The following ZNF277 variants were observed in gnomAD, a reference collection of about 807,000 sequenced individuals.
ZNF277 encodes nuclear receptor-interacting factor 4.
A neutral mutation model predicts 60.7 loss-of-function variants in ZNF277; 55 were observed. That is an observed-to-expected ratio of 0.91 (90% CI 0.73 to 1.13). The LOEUF (loss-of-function observed/expected upper bound fraction) is 1.13, where lower values mean the gene tolerates loss of function less well. ZNF277 is among the 50% of genes most tolerant of loss of function. ZNF277 has a pLI of 0.00. For synonymous variants in ZNF277, 178 were observed against 179.3 expected, an observed-to-expected ratio of 0.99 and a Z score of 0.06; for missense variants, 510 against 523.0, an observed-to-expected ratio of 0.98 and a Z score of 0.24.
At chr7:112,221,112 G>T (rs146730758) in intron 1 of ZNF277, among the ~76,000 whole-genome samples, 1,980 of 152,252 alleles carry the variant, frequency 0.013, 46 homozygotes, top group African/African-American at 0.045. Flanking sequence ...GTGTCTGCTG[G>T]GCTCCTGATC....
At chr7:112,299,148 C>T (rs924189707) in intron 4 of ZNF277, among the ~76,000 whole-genome samples, 4 of 152,142 alleles carry the variant, frequency 2.6e-5, no homozygotes, top group African/African-American at 7.2e-5. Flanking sequence ...TCAGCCAGTT[C>T]ATCACAATTT....
At chr7:112,286,505 T>C (rs892873034) in intron 1 of ZNF277, among the ~76,000 whole-genome samples, 2 of 152,306 alleles carry the variant, frequency 1.3e-5, no homozygotes, top group South Asian at 2.1e-4. Context: ...TAGGTCACAA[T>C]TGAGCCTTAG....
intron 1 of ZNF277, among the ~76,000 whole-genome samples, chr7:112,237,472 T>C (rs376492130): frequency 3.2e-4 from 48 of 152,048 alleles, no homozygotes; most frequent in African/African-American, 1.1e-3. Context: ...CTCAATAGGC[T>C]AACCAAGAAG....
intron 1 of ZNF277, among the ~76,000 whole-genome samples, chr7:112,224,058 G>T (rs1014413715): frequency 1.3e-5 from 2 of 152,190 alleles, no homozygotes; most frequent in African/African-American, 2.4e-5. Flanking sequence ...GGCAGAGTAT[G>T]CCATAGAGAT....
intron 1 of ZNF277, among the ~76,000 whole-genome samples, chr7:112,257,656 G>A (rs1587123763): frequency 1.3e-5 from 2 of 152,196 alleles, no homozygotes; most frequent in African/African-American, 4.8e-5. Context: ...TCAGCTTGAT[G>A]TTAGAGTAAT....
chr7:112,236,847 C>A (rs1790807550), intron 1 of ZNF277, among the ~76,000 whole-genome samples: 1 of 152,086 alleles, frequency 6.6e-6, no homozygotes, highest in South Asian at 2.1e-4. Context: ...AACAAAAAAA[C>A]ACTGGGCTTA....
intron 1 of ZNF277, among the ~76,000 whole-genome samples, chr7:112,237,932 A>G (rs372825319): frequency 1.3e-5 from 2 of 152,206 alleles, no homozygotes; most frequent in African/African-American, 4.8e-5. Flanking sequence ...TCAACAAAAT[A>G]CTATGAAACA....
intron 1 of ZNF277, among the ~76,000 whole-genome samples, chr7:112,241,535 G>C (rs1237190901): frequency 6.6e-6 from 1 of 152,146 alleles, no homozygotes; most frequent in African/African-American, 2.4e-5. Context: ...ATATCAAAGA[G>C]ATAATCTGCA....
At chr7:112,335,710 A>G (rs937676800) in intron 7 of ZNF277, among the ~76,000 whole-genome samples, 3 of 152,172 alleles carry the variant, frequency 2.0e-5, no homozygotes, top group African/African-American at 7.2e-5. Flanking sequence ...GTTTATAGTA[A>G]TAGTACCCAC....
At chr7:112,214,233 A>G (rs1821826069) in intron 1 of ZNF277, among the ~76,000 whole-genome samples, 1 of 152,246 alleles carries the variant, frequency 6.6e-6, no homozygotes, top group African/African-American at 2.4e-5. Context: ...TATAATAGAA[A>G]TCATACTCTC....
intron 1 of ZNF277, among the ~76,000 whole-genome samples, chr7:112,230,622 C>T (rs1307261098): frequency 6.6e-6 from 1 of 152,162 alleles, no homozygotes; most frequent in Non-Finnish European, 1.5e-5. Flanking sequence ...GTTGAGTGCA[C>T]ACTTGACTTT....
In ZNF277 at chr7:112,231,718, T is replaced by A. The variant is rs1156991335; in HGVS notation, c.91+24911T>A. ...TTTAACATGAATGATGTCTCCCTTT[T>A]ATTTCTTAAAACCAGAGAGGATACC... On this transcript the variant is annotated intron_variant, in intron 1 of 11. Transcript: ENST00000361822. Among the ~76,000 whole-genome samples, 8 of 152,098 alleles carry A rather than the reference T, an allele frequency of 5.3e-5. No individual in the cohort carries two copies. The East Asian group carries it at 1.5e-3, about 29-fold the overall frequency.
chr7:112,222,404 T>A (rs1822054638), intron 1 of ZNF277, among the ~76,000 whole-genome samples: 1 of 152,240 alleles, frequency 6.6e-6, no homozygotes, highest in South Asian at 2.1e-4. Flanking sequence ...TCTTCATAAT[T>A]GAGTCTTGCT....
intron 1 of ZNF277, among the ~76,000 whole-genome samples, chr7:112,256,421 G>GTTTTT (rs779126085): frequency 5.2e-5 from 5 of 95,380 alleles, no homozygotes; most frequent in Admixed American, 1.1e-4. Context: ...CTTCTTTGGA[G>GTTTTT]TTTTTTTTTT....
intron 1 of ZNF277, among the ~76,000 whole-genome samples, chr7:112,283,045 TAAATAAAGACA>T (rs958929985): frequency 5.3e-5 from 8 of 152,156 alleles, no homozygotes; most frequent in African/African-American, 1.9e-4. Context: ...ACATGCCAGG[TAAATAAAGACA>T]ACTAGGACTT....
At chr7:112,242,880 G>A (rs376882677) in intron 1 of ZNF277, among the ~76,000 whole-genome samples, 196 of 151,818 alleles carry the variant, frequency 1.3e-3, no homozygotes, top group African/African-American at 4.5e-3. Flanking sequence ...AAGCAAAAAG[G>A]ACAAAGCTGG....
chr7:112,232,129 CAT>C (rs1822356588), intron 1 of ZNF277, among the ~76,000 whole-genome samples: 1 of 147,762 alleles, frequency 6.8e-6, no homozygotes, highest in Admixed American at 6.8e-5. Context: ...TCATAAGTGT[CAT>C]ATGTGAAAGA....
intron 10 of ZNF277, among the ~76,000 whole-genome samples, chr7:112,340,647 G>A (rs1793424991): frequency 6.6e-6 from 1 of 152,150 alleles, no homozygotes; most frequent in African/African-American, 2.4e-5. Flanking sequence ...AGGGTTTTAT[G>A]AAGATTAAAT....
At chr7:112,319,165 A>T (rs1347263639) in intron 5 of ZNF277, among the ~76,000 whole-genome samples, 1 of 152,012 alleles carries the variant, frequency 6.6e-6, no homozygotes, top group African/African-American at 2.4e-5. Flanking sequence ...TGATTGATTA[A>T]ATTATTGAAC....
Sources: gnomAD v4.1 joint callset for allele counts (sites outside exome capture counted in the v4.1 genomes callset) on GRCh38, gnomAD v4.1.1 for gene constraint, MANE v1.5 for transcripts, NCBI Gene and HGNC (gene_info 2026-07-23, HGNC 2026-07-21) for gene names.